The following OR9Q1 variants were observed in gnomAD, a reference collection of about 807,000 sequenced individuals.
OR9Q1 encodes olfactory receptor family 9 subfamily Q member 1.
For synonymous variants in OR9Q1, 153 were observed against 148.6 expected (o/e 1.03, Z -0.22); for missense variants, 374 against 378.8 (o/e 0.99, Z 0.11).
chr11:58,162,149 A>T (rs1403589440), intron 2 of OR9Q1, among the ~76,000 whole-genome samples: 3 of 147,878 alleles, frequency 2.0e-5, no homozygotes, highest in African/African-American at 7.5e-5. Context: ...TAACAGTTAC[A>T]CTCACCTTCT....
At chr11:58,123,138 T>C (rs1854052596) in intron 2 of OR9Q1, among the ~76,000 whole-genome samples, 1 of 152,200 alleles carries the variant, frequency 6.6e-6, no homozygotes, top group African/African-American at 2.4e-5. Context: ...CTTTGGGAGA[T>C]TAATTTGTCT....
intron 2 of OR9Q1, among the ~76,000 whole-genome samples, chr11:58,178,259 G>A (rs890933200): frequency 2.0e-5 from 3 of 152,094 alleles, no homozygotes; most frequent in Admixed American, 6.5e-5. Flanking sequence ...TGCGTATTTC[G>A]AACTTTAAAA....
At chr11:58,086,163 A>T (rs745438641) in intron 2 of OR9Q1, among the ~76,000 whole-genome samples, 1 of 151,960 alleles carries the variant, frequency 6.6e-6, no homozygotes. Context: ...TCAACTCAAT[A>T]GCAAAAAACC....
intron 2 of OR9Q1, among the ~76,000 whole-genome samples, chr11:58,140,201 T>A (rs995890345): frequency 2.6e-5 from 4 of 152,134 alleles, no homozygotes; most frequent in African/African-American, 7.2e-5. Flanking sequence ...TTGTCAGTTG[T>A]GTAGATTGCA....
At chr11:58,076,555 TG>T (rs1428276934) in intron 2 of OR9Q1, among the ~76,000 whole-genome samples, 1 of 152,240 alleles carries the variant, frequency 6.6e-6, no homozygotes, top group African/African-American at 2.4e-5. Flanking sequence ...ATCTCTTTTA[TG>T]GGCTCACTGA....
rs959344922 is a variant in OR9Q1 at position 58,181,002 on chromosome 11, A to G, written c.*625A>G. On this transcript the variant is annotated 3_prime_UTR_variant, in exon 3 of 3. Transcript: ENST00000335397. ...CAAACTATGGTCGTTTGATGATCCA[A>G]TTAGCAAAGCTGACCCTACTCAAGG... The G allele has an allele frequency of 2.4e-5, 4 of 167,050 alleles. No individual in the cohort carries two copies. Among genetic ancestry groups the G allele is most frequent in the Non-Finnish European group, 5.9e-5 (4 of 68,110 alleles). 10.3% of individuals were successfully genotyped at this position (167,050 alleles called of 1,614,324 possible). A position where few individuals can be genotyped will look rare whatever the true frequency, so the allele number is the denominator to read the frequency against.
At chr11:58,133,369 G>C (rs1018217436) in intron 2 of OR9Q1, among the ~76,000 whole-genome samples, 2 of 152,186 alleles carry the variant, frequency 1.3e-5, no homozygotes, top group Non-Finnish European at 2.9e-5. Flanking sequence ...GGCATAAGGG[G>C]AGATGGTGTA....
At chr11:58,036,708 C>T (rs1042958925) in intron 1 of OR9Q1, among the ~76,000 whole-genome samples, 1 of 152,130 alleles carries the variant, frequency 6.6e-6, no homozygotes, top group Non-Finnish European at 1.5e-5. Flanking sequence ...GAAGTAATGG[C>T]AGATGTGGTG....
In OR9Q1 at chr11:58,053,769, T is replaced by C. The variant is rs1372787224; in HGVS notation, c.-92-2101T>C. On this transcript the variant is annotated intron_variant, in intron 1 of 2. Coordinates refer to ENST00000335397, the MANE Select transcript of OR9Q1 (RefSeq NM_001005212.4). ...TCATGGCTGAGACACTCTTGGATTA[T>C]GTGACTATCAAAACCCTGTCAACAT... Among the ~76,000 whole-genome samples, 13 of 151,430 alleles carry C rather than the reference T, an allele frequency of 8.6e-5. No homozygotes were observed. In the East Asian group the frequency reaches 1.9e-3, roughly 23 times the overall value.
intron 2 of OR9Q1, among the ~76,000 whole-genome samples, chr11:58,175,803 C>T (rs562386677): frequency 1.3e-5 from 2 of 151,428 alleles, no homozygotes; most frequent in African/African-American, 4.8e-5. Flanking sequence ...TCTGTTTTTC[C>T]TTATCTTCCT....
intron 2 of OR9Q1, among the ~76,000 whole-genome samples, chr11:58,076,861 T>C (rs1853543080): frequency 6.6e-6 from 1 of 152,210 alleles, no homozygotes; most frequent in Non-Finnish European, 1.5e-5. Context: ...ACTGACTTTT[T>C]CACTATAGAA....
intron 2 of OR9Q1, among the ~76,000 whole-genome samples, chr11:58,157,855 G>T (rs1043966832): frequency 1.3e-5 from 2 of 152,178 alleles, no homozygotes; most frequent in African/African-American, 4.8e-5. Context: ...TGCATTAGCT[G>T]ATGCTTTTCT....
intron 2 of OR9Q1, among the ~76,000 whole-genome samples, chr11:58,158,145 A>T (rs143383219): frequency 2.3e-3 from 347 of 152,284 alleles, no homozygotes; most frequent in Middle Eastern, 0.014. Flanking sequence ...TCAGGGTCCA[A>T]CTCAGCTCTG....
rs528577081 is a variant in OR9Q1 at position 58,074,516 on chromosome 11, G to A, written c.-15+18569G>A. On this transcript the variant is annotated intron_variant, in intron 2 of 2. Transcript: ENST00000335397. ...GATTCTGGATATTAGACTTTTGTCGGATGGATAGATTGCAACAATTTTCTC... is the reference window on the plus strand; with the variant it reads ...GATTCTGGATATTAGACTTTTGTCGAATGGATAGATTGCAACAATTTTCTC... Among the ~76,000 whole-genome samples the A allele has an allele frequency of 2.0e-5, 3 of 152,214 alleles. No individual in the cohort carries two copies. In the South Asian group the frequency reaches 6.2e-4, roughly 32 times the overall value.
chr11:58,092,621 A>G (rs1239237765), intron 2 of OR9Q1, among the ~76,000 whole-genome samples: 1 of 152,180 alleles, frequency 6.6e-6, no homozygotes, highest in Non-Finnish European at 1.5e-5. Flanking sequence ...TTTCAGAATT[A>G]CATGTCATGC....
At chr11:58,109,254 C>A in intron 2 of OR9Q1, 1 of 463,334 alleles carries the variant, frequency 2.2e-6, no homozygotes. Flanking sequence ...TACCTGGAGT[C>A]ATGGTCATGT....
intron 1 of OR9Q1, 27 bp from the exon 2 acceptor site, chr11:58,055,843 T>G (rs1853322496): frequency 6.8e-6 from 1 of 148,110 alleles, no homozygotes; most frequent in Non-Finnish European, 1.5e-5. Flanking sequence ...CTTAGGCCCC[T>G]TTTGCCCTTC....
chr11:58,088,444 T>C (rs1368323304), intron 2 of OR9Q1, among the ~76,000 whole-genome samples: 1 of 151,986 alleles, frequency 6.6e-6, no homozygotes, highest in Non-Finnish European at 1.5e-5. Context: ...ATCAATAGTG[T>C]AAAAGCATTC....
chr11:58,044,572 C>G (rs1853198040), intron 1 of OR9Q1: 1 of 152,222 alleles, frequency 6.6e-6, no homozygotes, highest in South Asian at 2.1e-4. Context: ...CCCTCTCTCT[C>G]TTTCTTTCTC....
Sources: allele counts gnomAD v4.1 joint callset (sites outside exome capture counted in the v4.1 genomes callset), GRCh38; gene constraint gnomAD v4.1.1; transcripts MANE v1.5; gene names NCBI Gene and HGNC (gene_info 2026-07-23, HGNC 2026-07-21).